DGKB: variants seen among roughly 807,000 people sequenced by gnomAD.
DGKB encodes the protein 90 kDa diacylglycerol kinase.
Under a neutral mutation model 114.3 loss-of-function variants are expected in DGKB, and 67 were observed. The observed-to-expected ratio is 0.59, with a 90% CI of 0.48 to 0.72. The LOEUF is 0.72. Ranked by LOEUF, DGKB falls within the 30% of genes least tolerant of loss-of-function variation. The pLI is 0.00. For missense variants in DGKB, 907 were observed against 975.2 expected, an observed-to-expected ratio of 0.93 and a Z score of 0.93; for synonymous variants, 398 against 323.1, an observed-to-expected ratio of 1.23 and a Z score of -2.49.
chr7:14,810,234 A>G (rs1024461136), intron 2 of DGKB, among the ~76,000 whole-genome samples: 1 of 152,106 alleles, frequency 6.6e-6, no homozygotes, highest in Admixed American at 6.5e-5. Context: ...AAGATGCTAC[A>G]ATGATTTGGA....
At chr7:14,967,114 CTTTTA>C (rs2097467012) in intron 1 of DGKB, among the ~76,000 whole-genome samples, 1 of 152,018 alleles carries the variant, frequency 6.6e-6, no homozygotes. Context: ...TTGATTTTAA[CTTTTA>C]TTTTTAGACT....
At chr7:14,246,375 A>G (rs1480087406) in intron 23 of DGKB, among the ~76,000 whole-genome samples, 1 of 152,132 alleles carries the variant, frequency 6.6e-6, no homozygotes, top group African/African-American at 2.4e-5. Flanking sequence ...TACTTTGCCT[A>G]ATATCACACA....
At chr7:14,329,513 A>G (rs938818440) in intron 23 of DGKB, among the ~76,000 whole-genome samples, 2 of 151,958 alleles carry the variant, frequency 1.3e-5, no homozygotes, top group African/African-American at 4.8e-5. Context: ...ATGGTTTTTA[A>G]TATCAATAAA....
chr7:14,352,207 G>A (rs915585865), intron 21 of DGKB, among the ~76,000 whole-genome samples: 6 of 151,944 alleles, frequency 3.9e-5, no homozygotes, highest in South Asian at 2.1e-4. Flanking sequence ...TTCTAAAACC[G>A]TAATTTTTAA....
intron 23 of DGKB, among the ~76,000 whole-genome samples, chr7:14,279,253 T>G (rs1203510070): frequency 1.3e-5 from 2 of 152,090 alleles, no homozygotes; most frequent in African/African-American, 4.8e-5. Context: ...TCTCGCTGAT[T>G]GCTAGCACAG....
At chr7:14,184,779 C>T (rs886548714) in intron 23 of DGKB, among the ~76,000 whole-genome samples, 2 of 152,104 alleles carry the variant, frequency 1.3e-5, no homozygotes, top group Non-Finnish European at 2.9e-5. Flanking sequence ...GAAAGCACCA[C>T]CTCCTGGCAG....
chr7:14,236,190 A>C (rs1792747622), intron 23 of DGKB, among the ~76,000 whole-genome samples: 1 of 152,040 alleles, frequency 6.6e-6, no homozygotes, highest in African/African-American at 2.4e-5. Flanking sequence ...ATAATACCTC[A>C]AAATCATTAT....
chr7:14,734,097 C>T (rs1831342982), intron 5 of DGKB, among the ~76,000 whole-genome samples: 1 of 151,624 alleles, frequency 6.6e-6, no homozygotes, highest in Admixed American at 6.6e-5. Context: ...TGCAGTGATG[C>T]GATCTCGGCT....
intron 21 of DGKB, among the ~76,000 whole-genome samples, chr7:14,355,853 T>C (rs1814363244): frequency 6.6e-6 from 1 of 152,208 alleles, no homozygotes; most frequent in Non-Finnish European, 1.5e-5. Context: ...GAAGGAATGG[T>C]ACCAGCTCCT....
chr7:14,852,556 A>C (rs1849557971), intron 1 of DGKB, among the ~76,000 whole-genome samples: 1 of 148,130 alleles, frequency 6.8e-6, no homozygotes, highest in African/African-American at 2.5e-5. Context: ...GAAAAAGAAA[A>C]GATCCATTTT....
chr7:14,689,194 C>CTATTTTTTTTTTTTTTT (rs1563917251), intron 9 of DGKB, among the ~76,000 whole-genome samples: 1 of 92,328 alleles, frequency 1.1e-5, no homozygotes, highest in Non-Finnish European at 2.3e-5. Flanking sequence ...ACAGAAACTC[C>CTATTTTTTTTTTTTTTT]TCTTATTTTT....
chr7:14,339,820 T>A (rs572060423), intron 22 of DGKB, among the ~76,000 whole-genome samples: 3 of 151,934 alleles, frequency 2.0e-5, no homozygotes, highest in Non-Finnish European at 4.4e-5. Context: ...ATATTTACAG[T>A]GGCGTTGTTT....
In DGKB at chr7:14,147,246, C is replaced by T. The variant is rs1005766774; in HGVS notation, c.*1885G>A. The T allele has an allele frequency of 2.2e-4, 33 of 152,018 alleles. No homozygotes were observed. Among genetic ancestry groups the T allele is most frequent in the African/African-American group, 7.0e-4 (29 of 41,406 alleles). 9.4% of individuals were successfully genotyped at this position (152,018 alleles called of 1,614,324 possible). A position where few individuals can be genotyped will look rare whatever the true frequency, so the allele number is the denominator to read the frequency against. ...AAACAACTTTTTTATTTTATACCAG[C>T]GCAAGTGATTGCTGTACTAAATTTG... On this transcript the variant is annotated 3_prime_UTR_variant, in exon 26 of 26. Coordinates refer to ENST00000402815, the MANE Select transcript of DGKB (RefSeq NM_001350709.2).
intron 23 of DGKB, among the ~76,000 whole-genome samples, chr7:14,270,774 G>T (rs532566801): frequency 1.3e-5 from 2 of 152,298 alleles, no homozygotes; most frequent in East Asian, 3.9e-4. Context: ...CCCTGTGCTG[G>T]AATTTGCGGG....
At chr7:14,734,805 T>C (rs955092007) in intron 5 of DGKB, among the ~76,000 whole-genome samples, 4 of 152,216 alleles carry the variant, frequency 2.6e-5, no homozygotes, top group African/African-American at 4.8e-5. Context: ...ATAAGTTCCT[T>C]CAGGTCTTCA....
At chr7:14,933,558 C>G (rs1785136284) in intron 1 of DGKB, among the ~76,000 whole-genome samples, 1 of 152,154 alleles carries the variant, frequency 6.6e-6, no homozygotes, top group Non-Finnish European at 1.5e-5. Context: ...TTGCATCACT[C>G]CAAAATTTCC....
At chr7:14,522,326 G>C (rs760293025) in intron 20 of DGKB, among the ~76,000 whole-genome samples, 1 of 152,110 alleles carries the variant, frequency 6.6e-6, no homozygotes, top group African/African-American at 2.4e-5. Context: ...TGTTGTTCAT[G>C]CACATAAACT....
intron 19 of DGKB, among the ~76,000 whole-genome samples, chr7:14,577,008 T>C (rs888066621): frequency 2.6e-5 from 4 of 152,192 alleles, no homozygotes; most frequent in Non-Finnish European, 5.9e-5. Context: ...TATGTATCTA[T>C]GCCCAAGATT....
At chr7:14,814,244 A>G (rs1047824361) in intron 2 of DGKB, 1 of 152,196 alleles carries the variant, frequency 6.6e-6, no homozygotes. Flanking sequence ...CCACAAGAAA[A>G]GTTGGCTCTT....
Sources: gnomAD v4.1 joint callset for allele counts (sites outside exome capture counted in the v4.1 genomes callset) on GRCh38, gnomAD v4.1.1 for gene constraint, MANE v1.5 for transcripts, NCBI Gene and HGNC (gene_info 2026-07-23, HGNC 2026-07-21) for gene names.